Variants in CNNM2 observed in about 807,000 individuals in gnomAD.
CNNM2 encodes the protein cyclin and CBS domain divalent metal cation transport mediator 2.
In CNNM2, 12 loss-of-function variants were observed where a neutral mutation model predicts 66.9. That is an observed-to-expected ratio of 0.18 (90% confidence interval 0.11 to 0.29). The LOEUF (loss-of-function observed/expected upper bound fraction) is 0.29, where lower values mean the gene tolerates loss of function less well. CNNM2 is among the 10% of genes least tolerant of loss of function. CNNM2 has a pLI of 1.00. For missense variants in CNNM2, 705 were observed against 1,167.7 expected (o/e 0.60, Z 5.77); for synonymous variants, 557 against 501.8 (o/e 1.11, Z -1.47).
At chr10:103,002,519 G>A (rs893205183) in intron 1 of CNNM2, among the ~76,000 whole-genome samples, 2 of 143,114 alleles carry the variant, frequency 1.4e-5, no homozygotes, top group South Asian at 2.2e-4. Context: ...CGCTTTTGTC[G>A]CCCAGGCTGG....
chr10:102,940,003 A>C lies in CNNM2; in HGVS notation c.1621+19902A>C, dbSNP rs11191469. On this transcript the variant is annotated intron_variant, in intron 1 of 7. Transcript: ENST00000369878. ...CAAACAACAACAACAACAACAACAA[A>C]AAAAAAACCGCCATGTAGGAGACGG... Among the ~76,000 whole-genome samples the C allele has an allele frequency of 0.41, 61,640 of 150,530 alleles. 13,437 individuals carry two copies. The highest frequency in any genetic ancestry group is 0.57 in the African/African-American group (23,314 of 40,856).
chr10:103,019,409 T>A (rs1258568778), intron 1 of CNNM2, among the ~76,000 whole-genome samples: 1 of 151,592 alleles, frequency 6.6e-6, no homozygotes, highest in Non-Finnish European at 1.5e-5. Context: ...GGAAGAGAAA[T>A]GAAAGTTGAG....
chr10:103,052,436 C>T (rs907813459), intron 2 of CNNM2, among the ~76,000 whole-genome samples: 2 of 151,988 alleles, frequency 1.3e-5, no homozygotes, highest in Admixed American at 1.3e-4. Context: ...TTCTCTTAAG[C>T]CTTGATTGGA....
intron 1 of CNNM2, among the ~76,000 whole-genome samples, chr10:102,994,681 C>T (rs1265396249): frequency 6.6e-6 from 1 of 152,236 alleles, no homozygotes; most frequent in Non-Finnish European, 1.5e-5. Flanking sequence ...CAGAATCATG[C>T]TCATCTGCTT....
At chr10:103,025,728 G>A (rs2064689080) in intron 1 of CNNM2, among the ~76,000 whole-genome samples, 1 of 152,184 alleles carries the variant, frequency 6.6e-6, no homozygotes, top group Admixed American at 6.5e-5. Flanking sequence ...AACAAGCAAT[G>A]CAAAGCATTT....
intron 1 of CNNM2, among the ~76,000 whole-genome samples, chr10:102,938,375 C>T (rs184040890): frequency 1.3e-4 from 19 of 151,268 alleles, no homozygotes; most frequent in East Asian, 5.8e-4. Flanking sequence ...ACCCAGGAGG[C>T]GGCGCTTGCA....
intron 1 of CNNM2, 127 bp downstream of exon 1, chr10:102,920,228 A>G: frequency 6.3e-7 from 1 of 1,588,526 alleles, no homozygotes; most frequent in Non-Finnish European, 8.6e-7. Flanking sequence ...CTCCCTCTTA[A>G]TTGCAAAGTT....
chr10:102,965,244 C>T (rs1028140365), intron 1 of CNNM2, among the ~76,000 whole-genome samples: 6 of 152,192 alleles, frequency 3.9e-5, no homozygotes, highest in African/African-American at 1.4e-4. Flanking sequence ...CCTGCTCTGT[C>T]TTGACTTGTT....
intron 1 of CNNM2, among the ~76,000 whole-genome samples, chr10:103,036,115 A>G: frequency 6.6e-6 from 1 of 151,136 alleles, no homozygotes; most frequent in Admixed American, 6.6e-5. Flanking sequence ...AACCAGAGAA[A>G]CAAAACCAAT....
chr10:102,937,645 T>A (rs1590276427), intron 1 of CNNM2, among the ~76,000 whole-genome samples: 1 of 152,328 alleles, frequency 6.6e-6, no homozygotes, highest in East Asian at 1.9e-4. Context: ...TTACACATTT[T>A]GCTAAAATAA....
At chr10:102,940,944 C>T (rs1240704196) in intron 1 of CNNM2, among the ~76,000 whole-genome samples, 1 of 151,792 alleles carries the variant, frequency 6.6e-6, no homozygotes, top group Non-Finnish European at 1.5e-5. Flanking sequence ...AGGCTGGTCA[C>T]AAACTCCTGA....
chr10:103,000,047 C>A (rs1219548590), intron 1 of CNNM2, among the ~76,000 whole-genome samples: 1 of 152,008 alleles, frequency 6.6e-6, no homozygotes, highest in African/African-American at 2.4e-5. Flanking sequence ...ACCAGCCTGG[C>A]CAATGTTGTG....
intron 1 of CNNM2, among the ~76,000 whole-genome samples, chr10:102,950,668 C>T (rs937949958): frequency 2.6e-5 from 4 of 151,864 alleles, no homozygotes; most frequent in African/African-American, 7.2e-5. Flanking sequence ...GCTGGAGGAT[C>T]GCTTAAGCCC....
At chr10:102,984,529 A>T (rs1323009203) in intron 1 of CNNM2, among the ~76,000 whole-genome samples, 1 of 152,122 alleles carries the variant, frequency 6.6e-6, no homozygotes, top group African/African-American at 2.4e-5. Context: ...CTTGCAGGAA[A>T]ATTTTTTGAT....
At chr10:102,947,166 C>T (rs889763670) in intron 1 of CNNM2, among the ~76,000 whole-genome samples, 1 of 152,150 alleles carries the variant, frequency 6.6e-6, no homozygotes, top group African/African-American at 2.4e-5. Context: ...CCCTGGCATA[C>T]ATTTTAATCA....
Position 102,918,612 on chromosome 10 carries a change from T to C in CNNM2, c.132T>C (p.Ala44=). Residue 44 remains alanine (A), a synonymous_variant, in exon 1 of 8, where the codon GCT becomes GCC. Coordinates refer to ENST00000369878, the MANE Select transcript of CNNM2 (RefSeq NM_017649.5). This position sits in a 1 kb window ranked among gnomAD's most constrained non-coding sequence, Gnocchi z 4.1. ...GCGGCCGGGGGATCCTGCAGGCGGC[T>C]GCGGGGCGGCTGCTGCCGCTGCTCC... ...SARGRGILQA[A]AGRLLPLLLL... 3.2e-6 allele frequency: 5 copies of C among 1,550,016 alleles called. No individual in the cohort carries two copies. Among genetic ancestry groups the C allele is most frequent in the Non-Finnish European group, 4.3e-6 (5 of 1,149,560 alleles).
rs2065347975 is a variant in CNNM2 at position 103,059,441 on chromosome 10, A to G, written c.2073+2477A>G. Among the ~76,000 whole-genome samples the G allele has an allele frequency of 2.0e-5, 3 of 152,256 alleles. No homozygotes were observed. In the South Asian group the frequency reaches 6.2e-4, roughly 31 times the overall value. On this transcript the variant is annotated intron_variant, in intron 4 of 7. Coordinates refer to ENST00000369878, the MANE Select transcript of CNNM2 (RefSeq NM_017649.5). ...CATCATTTTTTAGTTGAAGCCCTAG[A>G]TAAGATAAATTCCAAATTATTCAAG... is the stretch of plus-strand genomic sequence containing the variant.
chr10:102,920,433 C>T (rs1845584007), intron 1 of CNNM2, among the ~76,000 whole-genome samples: 2 of 151,414 alleles, frequency 1.3e-5, no homozygotes. Context: ...CTGCCGCCTT[C>T]ATTGTCTGGG....
In CNNM2 at chr10:103,018,686, CTTTTTT is replaced by C. The variant is rs370000130; in HGVS notation, c.1622-31005_1622-31000del. ...AGCAAGGTAAATATACTCTTCTTTC[CTTTTTT>C]TTTTTTTTTTTTTTTGAGATGGAGT... On this transcript the variant is annotated intron_variant, in intron 1 of 7. Transcript: ENST00000369878. Among the ~76,000 whole-genome samples, 14,057 of 116,222 alleles carry C rather than the reference CTTTTTT, an allele frequency of 0.12. 908 individuals are homozygous for C. The highest frequency in any genetic ancestry group is 0.16 in the Non-Finnish European group (9,375 of 58,592). The allele number at this position is 116,222 out of a possible 152,430, so 76.2% of individuals were successfully genotyped here.
Sources: allele counts gnomAD v4.1 joint callset (sites outside exome capture counted in the v4.1 genomes callset), GRCh38; gene constraint gnomAD v4.1.1; non-coding constraint Gnocchi (gnomAD v3.1); transcripts MANE v1.5; gene names NCBI Gene and HGNC (gene_info 2026-07-23, HGNC 2026-07-21).